NAA15: variants seen among roughly 807,000 people sequenced by gnomAD.
NAA15 encodes N-alpha-acetyltransferase 15, NatA auxiliary subunit.
In NAA15, 34 loss-of-function variants were observed where a neutral mutation model predicts 114.0. The observed-to-expected ratio is 0.30, with a 90% CI of 0.23 to 0.40. The LOEUF (loss-of-function observed/expected upper bound fraction) is 0.40, where lower values mean the gene tolerates loss of function less well. Ranked by LOEUF, NAA15 falls within the 10% of genes least tolerant of loss-of-function variation. The pLI, the probability that NAA15 is intolerant of heterozygous loss-of-function variation, is 1.00. For missense variants in NAA15, 658 were observed against 1,004.5 expected, an observed-to-expected ratio of 0.66 and a Z score of 4.66; for synonymous variants, 340 against 338.0, an observed-to-expected ratio of 1.01 and a Z score of -0.06.
chr4:139,385,507 CAGAT>C (rs1489146499), intron 18 of NAA15, among the ~76,000 whole-genome samples: 4 of 151,714 alleles, frequency 2.6e-5, no homozygotes. Context: ...AAAATTCACT[CAGAT>C]AGGACCATCG....
chr4:139,345,927 A>G (rs1258688496), intron 6 of NAA15, among the ~76,000 whole-genome samples: 1 of 152,182 alleles, frequency 6.6e-6, no homozygotes, highest in East Asian at 1.9e-4. Flanking sequence ...TATCAAAAAA[A>G]AAAGGGAGTG....
At chr4:139,356,340 C>G (rs67709466) in intron 10 of NAA15, 20,883 of 152,190 alleles carry the variant, frequency 0.14, 1,765 homozygotes, top group Non-Finnish European at 0.19. Context: ...CCTAGGAGTT[C>G]TGGTTCCTGT....
chr4:139,347,960 A>G (rs1204276564), intron 6 of NAA15, among the ~76,000 whole-genome samples: 3 of 151,182 alleles, frequency 2.0e-5, no homozygotes, highest in Non-Finnish European at 4.4e-5. Flanking sequence ...TGAACCCGGG[A>G]AGCGGAGCTT....
chr4:139,366,759 C>T (rs948887711), intron 14 of NAA15, among the ~76,000 whole-genome samples: 2 of 152,074 alleles, frequency 1.3e-5, no homozygotes, highest in South Asian at 4.2e-4. Context: ...CAGGCACATG[C>T]CACCATGCCC....
intron 6 of NAA15, among the ~76,000 whole-genome samples, chr4:139,345,642 C>T (rs1579110396): frequency 2.6e-5 from 4 of 152,212 alleles, no homozygotes; most frequent in East Asian, 3.9e-4. Context: ...AGACTGAGGC[C>T]GGGCGCGGTG....
At position 139,301,580 on chromosome 4, in the gene NAA15, G is replaced by A. The variant is rs985724720; in HGVS notation, c.-198G>A. ...CCGTAGTGGGGGAGGCGGCGGCAGCGTTAAGTGAGAAAGGAAAAAAGACAA... is the reference window on the plus strand; with the variant it reads ...CCGTAGTGGGGGAGGCGGCGGCAGCATTAAGTGAGAAAGGAAAAAAGACAA... On this transcript the variant is annotated 5_prime_UTR_variant, in exon 1 of 20. Coordinates refer to ENST00000296543, the MANE Select transcript of NAA15 (RefSeq NM_057175.5). The A allele has an allele frequency of 3.2e-6, 2 of 618,570 alleles. No homozygotes were observed. The highest frequency in any genetic ancestry group is 3.8e-5 in the African/African-American group (2 of 53,280). The allele number at this position is 618,570 out of a possible 1,614,324, so 38.3% of individuals were successfully genotyped here. A position where few individuals can be genotyped will look rare whatever the true frequency, so the allele number is the denominator to read the frequency against.
At chr4:139,314,171 T>G (rs533733279) in intron 1 of NAA15, among the ~76,000 whole-genome samples, 8 of 151,986 alleles carry the variant, frequency 5.3e-5, no homozygotes, top group Non-Finnish European at 1.0e-4. Context: ...TATTGTGAAG[T>G]GGAGAAAGTC....
intron 14 of NAA15, among the ~76,000 whole-genome samples, chr4:139,367,077 A>G (rs7690252): frequency 0.3 from 45,850 of 151,880 alleles, 7,707 homozygotes; most frequent in African/African-American, 0.46. Flanking sequence ...CTTAAGTGTG[A>G]CATTTCAATT....
At chr4:139,385,308 T>TATATATTATATATATATATATTATATA (rs1489273737) in intron 18 of NAA15, among the ~76,000 whole-genome samples, 6 of 91,876 alleles carry the variant, frequency 6.5e-5, no homozygotes, top group Non-Finnish European at 1.3e-4. Context: ...ATAATATATA[T>TATATATTATATATATATATATTATATA]TATATATATA....
chr4:139,370,167 AT>A (rs1700568933), intron 14 of NAA15, 43 bp from the exon 15 acceptor site: 1 of 1,381,094 alleles, frequency 7.2e-7, no homozygotes, highest in Non-Finnish European at 9.6e-7. Flanking sequence ...TACTAATCTG[AT>A]TAACATGCTT....
chr4:139,357,576 T>C (rs1747997472), intron 11 of NAA15, 21 bp downstream of exon 11: 1 of 1,489,754 alleles, frequency 6.7e-7, no homozygotes, highest in African/African-American at 1.4e-5. Flanking sequence ...TTTTTTCTAT[T>C]TTCTTATAAG....
In NAA15 at chr4:139,301,665, C is replaced by G; in HGVS notation, c.-113C>G. ...GGCGACACCCGAGGCCTGGTGGTGG[C>G]GGCGGATCGAGATATTCAAGGCTGA... On this transcript the variant is annotated 5_prime_UTR_variant, in exon 1 of 20. Coordinates refer to ENST00000296543, the MANE Select transcript of NAA15 (RefSeq NM_057175.5). 8.0e-7 allele frequency: 1 copy of G among 1,248,858 alleles called. No individual in the cohort carries two copies. 77.4% of individuals were successfully genotyped at this position (1,248,858 alleles called of 1,614,324 possible). A position where few individuals can be genotyped will look rare whatever the true frequency, so the allele number is the denominator to read the frequency against.
At chr4:139,306,738 A>G (rs1308521904) in intron 1 of NAA15, among the ~76,000 whole-genome samples, 1 of 152,180 alleles carries the variant, frequency 6.6e-6, no homozygotes, top group African/African-American at 2.4e-5. Flanking sequence ...GGAGGTTACC[A>G]GATATTTATA....
At chr4:139,387,727 GAAGAACATTCTAATAGAATGC>G (rs1287443170) in intron 19 of NAA15, among the ~76,000 whole-genome samples, 136 bp from the exon 20 acceptor site, 2 of 152,214 alleles carry the variant, frequency 1.3e-5, no homozygotes, top group Non-Finnish European at 2.9e-5. Flanking sequence ...ATTAGGCCTT[GAAGAACATTCTAATAGAATGC>G]ATATGCAGGA....
chr4:139,385,510 A>G (rs1748888634), intron 18 of NAA15, among the ~76,000 whole-genome samples: 1 of 151,782 alleles, frequency 6.6e-6, no homozygotes, highest in South Asian at 2.1e-4. Flanking sequence ...ATTCACTCAG[A>G]TAGGACCATC....
intron 14 of NAA15, among the ~76,000 whole-genome samples, chr4:139,363,070 T>G (rs1410996079): frequency 6.6e-6 from 1 of 152,192 alleles, no homozygotes; most frequent in African/African-American, 2.4e-5. Flanking sequence ...TGTACAGATA[T>G]CACTTGAATC....
At chr4:139,325,224 T>A (rs1746758056) in intron 1 of NAA15, among the ~76,000 whole-genome samples, 1 of 152,232 alleles carries the variant, frequency 6.6e-6, no homozygotes, top group Admixed American at 6.5e-5. Flanking sequence ...GTCCATTTGA[T>A]TATAAGACTG....
intron 1 of NAA15, among the ~76,000 whole-genome samples, chr4:139,328,145 A>G (rs144512376): frequency 2.5e-3 from 386 of 151,472 alleles, no homozygotes; most frequent in Middle Eastern, 0.024. Context: ...CTGAAGTGTC[A>G]TAAAATCTGC....
At chr4:139,345,180 G>C (rs1324342859) in intron 6 of NAA15, among the ~76,000 whole-genome samples, 1 of 152,174 alleles carries the variant, frequency 6.6e-6, no homozygotes, top group Non-Finnish European at 1.5e-5. Flanking sequence ...AACTTTTGTC[G>C]GAGGATAATG....
Sources: gnomAD v4.1 joint callset for allele counts (sites outside exome capture counted in the v4.1 genomes callset) on GRCh38, gnomAD v4.1.1 for gene constraint, MANE v1.5 for transcripts, NCBI Gene and HGNC (gene_info 2026-07-23, HGNC 2026-07-21) for gene names.